The following MBNL3 variants were observed in gnomAD, a reference collection of about 807,000 sequenced individuals.
The protein encoded by MBNL3 is muscleblind like splicing regulator 3.
MBNL3 carries 6 observed loss-of-function variants against 24.5 expected under a neutral mutation model. The observed-to-expected ratio is 0.25, with a 90% confidence interval of 0.13 to 0.48. The LOEUF is 0.48. Among genes scored for constraint, MBNL3 ranks in the 20% least tolerant of loss-of-function variants. The probability of loss-of-function intolerance (pLI) is 0.99; values close to 1 mark genes in which losing one functional copy is unlikely to be tolerated. For synonymous variants in MBNL3, 100 were observed against 101.7 expected (o/e 0.98, Z 0.10); for missense variants, 230 against 293.5 (o/e 0.78, Z 1.58).
intron 1 of MBNL3, among the ~76,000 whole-genome samples, chrX:132,482,354 T>C (rs1319227875): frequency 8.9e-6 from 1 of 112,416 alleles, no homozygotes; most frequent in Non-Finnish European, 1.9e-5. Flanking sequence ...ATTACAATTA[T>C]TGTCAATTAA....
chrX:132,432,231 A>G (rs1944798105), intron 2 of MBNL3: 1 of 111,731 alleles, frequency 9.0e-6, no homozygotes. Flanking sequence ...AGGTCAACTG[A>G]TTAACTGGGG....
intron 2 of MBNL3, chrX:132,431,419 C>T (rs1471269840): frequency 8.9e-6 from 1 of 111,776 alleles, no homozygotes; most frequent in East Asian, 2.8e-4. Flanking sequence ...ATACTGTCAT[C>T]ATTTAGTTTC....
chrX:132,481,120 T>G (rs896704127), intron 1 of MBNL3, among the ~76,000 whole-genome samples: 2 of 112,148 alleles, frequency 1.8e-5, no homozygotes, highest in African/African-American at 3.2e-5. Context: ...CACTAAGTTA[T>G]GAGGGAGCCC....
At chrX:132,427,588 G>A (rs768329986) in intron 2 of MBNL3, among the ~76,000 whole-genome samples, 10 of 111,552 alleles carry the variant, frequency 9.0e-5, no homozygotes, top group African/African-American at 3.3e-4. Flanking sequence ...GATGAACAAA[G>A]ATATTAAGAC....
chrX:132,435,003 T>C (rs1945037965), intron 2 of MBNL3, among the ~76,000 whole-genome samples: 1 of 111,823 alleles, frequency 8.9e-6, no homozygotes, highest in African/African-American at 3.3e-5. Flanking sequence ...GAGTTTCCTG[T>C]ATCACTTTTG....
At chrX:132,481,336 C>T (rs1306807698) in intron 1 of MBNL3, among the ~76,000 whole-genome samples, 1 of 112,534 alleles carries the variant, frequency 8.9e-6, no homozygotes, top group African/African-American at 3.2e-5. Flanking sequence ...GTTACAGATT[C>T]AGTCACTTGA....
In MBNL3 at chrX:132,387,380, T is replaced by G. The variant is rs756035049; in HGVS notation, c.772-569A>C. Among the ~76,000 whole-genome samples the G allele has an allele frequency of 2.8e-5, 3 of 106,765 alleles. No homozygotes were observed. In the South Asian group the frequency reaches 1.3e-3, roughly 46 times the overall value. The allele number at this position is 106,765 out of a possible 115,157, so 92.7% of individuals were successfully genotyped here. On this transcript the variant is annotated intron_variant, in intron 5 of 8. Coordinates refer to ENST00000370853, the MANE Select transcript of MBNL3 (RefSeq NM_001386889.1). ...GTTTTCAACTTCACTAATTTAGACC[T>G]CATTTGGGCAGGATATGACAGAAAG... is the stretch of plus-strand genomic sequence containing the variant.
intron 1 of MBNL3, among the ~76,000 whole-genome samples, chrX:132,463,177 T>G (rs755104618): frequency 1.8e-5 from 2 of 112,739 alleles, no homozygotes; most frequent in Admixed American, 1.9e-4. Flanking sequence ...ATATTTATAT[T>G]GAGGCGGGGC....
At chrX:132,480,504 C>A (rs775258950) in intron 1 of MBNL3, among the ~76,000 whole-genome samples, 1 of 111,907 alleles carries the variant, frequency 8.9e-6, no homozygotes, top group South Asian at 3.8e-4. Flanking sequence ...CTCTATTGGA[C>A]CATCGACCTA....
At position 132,370,345 on chromosome X, in the gene MBNL3, T is replaced by C. The variant is rs999486143; in HGVS notation, c.*9321A>G. On this transcript the variant is annotated 3_prime_UTR_variant, in exon 9 of 9. Transcript: ENST00000370853. ...GATTCTGGTCAGTGGAATTTTAGGATGTTCACTATCTATTCAGTATTTTAG... is the reference window on the plus strand; with the variant it reads ...GATTCTGGTCAGTGGAATTTTAGGACGTTCACTATCTATTCAGTATTTTAG... 1.8e-5 allele frequency: 2 copies of C among 111,929 alleles called. No individual in the cohort carries two copies. Among genetic ancestry groups the C allele is most frequent in the Non-Finnish European group, 3.8e-5 (2 of 53,176 alleles). The allele number at this position is 111,929 out of a possible 1,213,427, so 9.2% of individuals were successfully genotyped here. A position where few individuals can be genotyped will look rare whatever the true frequency, so the allele number is the denominator to read the frequency against.
intron 3 of MBNL3, among the ~76,000 whole-genome samples, chrX:132,402,544 C>T (rs1019867904): frequency 8.9e-6 from 1 of 111,754 alleles, no homozygotes; most frequent in Non-Finnish European, 1.9e-5. Context: ...GATACTTCAA[C>T]TTATACTTTT....
intron 1 of MBNL3, among the ~76,000 whole-genome samples, chrX:132,454,000 G>A (rs1439050669): frequency 2.7e-5 from 3 of 111,920 alleles, no homozygotes; most frequent in South Asian, 3.8e-4. Flanking sequence ...GCTGAAGCAC[G>A]AGAATCGCTT....
At chrX:132,397,119 A>C (rs1159966338) in intron 3 of MBNL3, among the ~76,000 whole-genome samples, 1 of 105,965 alleles carries the variant, frequency 9.4e-6, no homozygotes, top group Non-Finnish European at 1.9e-5. Flanking sequence ...ATTTTTAACT[A>C]TTTGTTTATA....
At chrX:132,402,041 G>A (rs551335092) in intron 3 of MBNL3, among the ~76,000 whole-genome samples, 1 of 111,871 alleles carries the variant, frequency 8.9e-6, no homozygotes, top group South Asian at 3.8e-4. Flanking sequence ...CTTGTTTATG[G>A]CCTTCATGGT....
chrX:132,418,696 A>G, intron 2 of MBNL3, among the ~76,000 whole-genome samples: 1 of 112,479 alleles, frequency 8.9e-6, no homozygotes, highest in Non-Finnish European at 1.9e-5. Context: ...GGGATTTTGG[A>G]TGGCTTGAGA....
chrX:132,424,978 G>A lies in MBNL3; in HGVS notation c.177+14457C>T, dbSNP rs775456000. 3.6e-5 allele frequency among the ~76,000 whole-genome samples: 4 copies of A among 111,780 alleles called. No individual in the cohort carries two copies. The East Asian group carries it at 1.1e-3, about 31-fold the overall frequency. On this transcript the variant is annotated intron_variant, in intron 2 of 8. Transcript: ENST00000370853. ...GGCCTCAAGAATTGGGAAAAAGGGG[G>A]AGACAGTCTTGGTTCTGTTTTATCT...
At chrX:132,456,415 TTAAC>T (rs1211262763) in intron 1 of MBNL3, among the ~76,000 whole-genome samples, 1 of 112,340 alleles carries the variant, frequency 8.9e-6, no homozygotes, top group African/African-American at 3.2e-5. Flanking sequence ...ATCTTTGTTA[TTAAC>T]TAATAGGTAT....
At chrX:132,404,870 T>G (rs1941528327) in intron 3 of MBNL3, among the ~76,000 whole-genome samples, 1 of 111,946 alleles carries the variant, frequency 8.9e-6, no homozygotes, top group East Asian at 2.8e-4. Context: ...ATTGTATCAC[T>G]GATTAAATGG....
At chrX:132,456,292 G>A (rs1350477520) in intron 1 of MBNL3, among the ~76,000 whole-genome samples, 2 of 112,191 alleles carry the variant, frequency 1.8e-5, no homozygotes, top group East Asian at 5.6e-4. Context: ...ACTGGGAATT[G>A]TATTAAGTAA....
Sources: gnomAD v4.1 joint callset for allele counts (sites outside exome capture counted in the v4.1 genomes callset) on GRCh38, gnomAD v4.1.1 for gene constraint, MANE v1.5 for transcripts, NCBI Gene and HGNC (gene_info 2026-07-23, HGNC 2026-07-21) for gene names.